PREX1: variants seen among roughly 807,000 people sequenced by gnomAD.
The protein encoded by PREX1 is phosphatidylinositol 3,4,5-trisphosphate-dependent Rac exchanger 1 protein.
In PREX1, 41 loss-of-function variants were observed where a neutral mutation model predicts 198.3. The ratio of observed to expected loss-of-function variants is 0.21; its 90% CI spans 0.16 to 0.27. The LOEUF (loss-of-function observed/expected upper bound fraction) is 0.27. Ranked by LOEUF, PREX1 falls within the 10% of genes least tolerant of loss-of-function variation. The pLI is 1.00. For missense variants in PREX1, 1,620 were observed against 2,200.7 expected, an observed-to-expected ratio of 0.74 and a Z score of 5.28; for synonymous variants, 843 against 887.2, an observed-to-expected ratio of 0.95 and a Z score of 0.89.
In PREX1 at chr20:48,716,945, T is replaced by C. The variant is rs117829580; in HGVS notation, c.622-8524A>G. On this transcript the variant is annotated intron_variant, in intron 5 of 39. Transcript: ENST00000371941. ...ACATGGACAGACGGAGTCAGGATAG[T>C]ATCGCCTGAGCCCTGGATGCAGCTA... Among the ~76,000 whole-genome samples, 354 of 152,278 alleles carry C rather than the reference T, an allele frequency of 2.3e-3. 4 individuals carry two copies. In the East Asian group the frequency reaches 0.045, roughly 19 times the overall value.
At chr20:48,785,727 CCT>C (rs1367238182) in intron 1 of PREX1, among the ~76,000 whole-genome samples, 1 of 152,230 alleles carries the variant, frequency 6.6e-6, no homozygotes, top group Non-Finnish European at 1.5e-5. Context: ...GCCAGCAGCC[CCT>C]CTGCTTTCCC....
the PREX1 span, among the ~76,000 whole-genome samples, chr20:48,873,554 C>CA: frequency 0.039 from 2,755 of 70,052 alleles, 48 homozygotes; most frequent in South Asian, 0.073. Context: ...AGTAAAAATA[C>CA]AAAAAAAAAA....
chr20:48,778,400 C>T (rs1315375341), intron 1 of PREX1, among the ~76,000 whole-genome samples: 1 of 150,676 alleles, frequency 6.6e-6, no homozygotes, highest in Non-Finnish European at 1.5e-5. Context: ...AGGATGAAAT[C>T]CCGTCTCTAC....
chr20:48,685,071 C>A (rs1434129313), intron 10 of PREX1, among the ~76,000 whole-genome samples: 1 of 152,226 alleles, frequency 6.6e-6, no homozygotes, highest in Non-Finnish European at 1.5e-5. Context: ...CATCAAGTTG[C>A]TGAAATTCCC....
chr20:48,658,316 C>T (rs970821141), intron 16 of PREX1, 88 bp from the exon 17 acceptor site: 8 of 1,322,888 alleles, frequency 6.0e-6, no homozygotes, highest in African/African-American at 5.9e-5. Flanking sequence ...ACCATGACCT[C>T]GTCCCAGGTC....
chr20:48,818,727 C>T (rs992465430), intron 1 of PREX1, among the ~76,000 whole-genome samples: 10 of 152,210 alleles, frequency 6.6e-5, no homozygotes, highest in Non-Finnish European at 1.0e-4. Flanking sequence ...GGTGGAGTAC[C>T]GATCCCGCCA....
the PREX1 span, among the ~76,000 whole-genome samples, chr20:48,855,642 T>C: frequency 3.3e-5 from 5 of 152,214 alleles, no homozygotes; most frequent in African/African-American, 1.2e-4. Flanking sequence ...CTCACGCCTG[T>C]AATCCCAGCA....
intron 29 of PREX1, among the ~76,000 whole-genome samples, chr20:48,641,291 C>G (rs1310511164): frequency 6.6e-6 from 1 of 152,164 alleles, no homozygotes; most frequent in African/African-American, 2.4e-5. Context: ...CAGTGCCTAA[C>G]TGCGGTATAA....
intron 6 of PREX1, among the ~76,000 whole-genome samples, chr20:48,704,924 G>A (rs374057893): frequency 2.0e-5 from 3 of 152,202 alleles, no homozygotes; most frequent in Non-Finnish European, 2.9e-5. Flanking sequence ...AAGTCCATGC[G>A]GCTGCATCTG....
At chr20:48,808,784 G>A (rs901846199) in intron 1 of PREX1, among the ~76,000 whole-genome samples, 2 of 152,074 alleles carry the variant, frequency 1.3e-5, no homozygotes, top group Non-Finnish European at 2.9e-5. Context: ...TGGCCATTCC[G>A]GCCTCCGTGT....
chr20:48,643,250 C>A (rs898421063), intron 27 of PREX1, among the ~76,000 whole-genome samples: 2 of 152,234 alleles, frequency 1.3e-5, no homozygotes, highest in African/African-American at 4.8e-5. Context: ...GCAGGCGGAT[C>A]ACAAGGTCAA....
chr20:48,862,807 A>ATATATGTG, the PREX1 span, among the ~76,000 whole-genome samples: 6 of 126,698 alleles, frequency 4.7e-5, no homozygotes, highest in East Asian at 2.1e-4. Context: ...ATATATATAT[A>ATATATGTG]TATATACTAA....
At chr20:48,834,959 G>T in the PREX1 span, among the ~76,000 whole-genome samples, 1 of 152,124 alleles carries the variant, frequency 6.6e-6, no homozygotes, top group East Asian at 1.9e-4. Flanking sequence ...GTTTCACCAT[G>T]TTGGCCAGGC....
chr20:48,631,619 G>A (rs576402629), intron 35 of PREX1, among the ~76,000 whole-genome samples: 1 of 152,292 alleles, frequency 6.6e-6, no homozygotes, highest in South Asian at 2.1e-4. Context: ...CTGAGCAAAC[G>A]AATGAAGCCT....
chr20:48,771,334 T>C (rs1320769811), intron 1 of PREX1, among the ~76,000 whole-genome samples: 2 of 151,454 alleles, frequency 1.3e-5, no homozygotes, highest in African/African-American at 4.9e-5. Flanking sequence ...ATCTGGGGAT[T>C]TTCCCCCCAT....
upstream of PREX1, among the ~76,000 whole-genome samples, chr20:48,828,256 C>T (rs1319524149): frequency 1.3e-5 from 2 of 151,620 alleles, no homozygotes; most frequent in Non-Finnish European, 2.9e-5. Context: ...CCCCGCGGAG[C>T]CGGGAGTCCG....
At chr20:48,637,395 C>A (rs1322623581) in intron 31 of PREX1, among the ~76,000 whole-genome samples, 2 of 152,250 alleles carry the variant, frequency 1.3e-5, no homozygotes, top group African/African-American at 4.8e-5. Flanking sequence ...CTTCCCCACT[C>A]TCTGCTGGGT....
intron 3 of PREX1, among the ~76,000 whole-genome samples, chr20:48,742,043 C>A (rs1450000237): frequency 6.6e-6 from 1 of 152,152 alleles, no homozygotes; most frequent in East Asian, 1.9e-4. Flanking sequence ...TCTCTGTTGG[C>A]TCAGGGGAGA....
intron 1 of PREX1, among the ~76,000 whole-genome samples, chr20:48,771,923 G>C (rs2090237880): frequency 6.6e-6 from 1 of 152,200 alleles, no homozygotes; most frequent in South Asian, 2.1e-4. Context: ...GCTGGGCGCG[G>C]TGGCTCCCAT....
Sources: allele counts gnomAD v4.1 joint callset (sites outside exome capture counted in the v4.1 genomes callset), GRCh38; gene constraint gnomAD v4.1.1; transcripts MANE v1.5; gene names NCBI Gene and HGNC (gene_info 2026-07-23, HGNC 2026-07-21).